Variants in SART3 observed in about 807,000 individuals in gnomAD.
SART3 encodes the protein spliceosome associated factor 3, U4/U6 recycling protein.
SART3 carries 44 observed loss-of-function variants against 122.3 expected under a neutral mutation model. That is an observed-to-expected ratio of 0.36 (90% CI 0.28 to 0.46). SART3 has a LOEUF of 0.46. Among genes scored for constraint, SART3 ranks in the 20% least tolerant of loss-of-function variants. The probability of loss-of-function intolerance (pLI) is 1.00; values close to 1 mark genes in which losing one functional copy is unlikely to be tolerated. For missense variants in SART3, 1,101 were observed against 1,229.0 expected (o/e 0.90, Z 1.56); for synonymous variants, 442 against 454.0 (o/e 0.97, Z 0.34).
intron 8 of SART3, 111 bp from the exon 9 acceptor site, chr12:108,537,706 G>C: frequency 1.2e-6 from 1 of 811,752 alleles, no homozygotes; most frequent in Non-Finnish European, 2.1e-6. Context: ...ACTAATAGAT[G>C]CAACAGAATG....
At chr12:108,555,333 AC>A (rs1291107093) in intron 1 of SART3, among the ~76,000 whole-genome samples, 3 of 152,192 alleles carry the variant, frequency 2.0e-5, no homozygotes, top group Non-Finnish European at 4.4e-5. Flanking sequence ...GATGTGTGAG[AC>A]CTCTATGGCA....
chr12:108,530,047 T>A, intron 15 of SART3, 95 bp downstream of exon 15: 5 of 1,393,114 alleles, frequency 3.6e-6, no homozygotes, highest in Non-Finnish European at 5.1e-6. Context: ...GGTATCAAGC[T>A]GGTAACGGTT....
chr12:108,546,128 T>C (rs1194867312), intron 3 of SART3, among the ~76,000 whole-genome samples: 1 of 152,190 alleles, frequency 6.6e-6, no homozygotes, highest in Non-Finnish European at 1.5e-5. Flanking sequence ...ATCTGGTTAG[T>C]AGCAATGCTT....
At position 108,549,141 on chromosome 12, in the gene SART3, G is replaced by T. The variant is rs545330165; in HGVS notation, c.386C>A (p.Thr129Asn). The change falls in exon 2 of 19, where the codon ACC becomes AAC. Residue 129 changes from threonine (T) to asparagine (N), a missense_variant. This residue lies in a region of SART3 where 885 missense variants were observed against 1,080.1 expected (regional missense o/e 0.82). Transcript: ENST00000546815. Reference protein sequence around the residue: ...IRLLRLEGELTKVRMARQKMS... With the variant: ...IRLLRLEGELNKVRMARQKMS... ...CTTCTGGCGGGCCATCCTCACCTTG[G>T]TAAGCTCCCCTTCCAGCCTGAGCAG... The T allele has an allele frequency of 6.2e-7, 1 of 1,614,152 alleles. No individual in the cohort carries two copies.
In SART3 at chr12:108,523,402, G is replaced by C; in HGVS notation, c.*55C>G. ...ATCCCCAGTGCACTGCTGGGTGGTG[G>C]GAGGTCCGCCGGGCCAGAGTGAAGT... is the stretch of plus-strand genomic sequence containing the variant. On this transcript the variant is annotated 3_prime_UTR_variant, in exon 19 of 19. Transcript: ENST00000546815. 2 of 1,582,332 alleles carry C rather than the reference G, an allele frequency of 1.3e-6. No homozygotes were observed. The highest frequency in any genetic ancestry group is 1.7e-6 in the Non-Finnish European group (2 of 1,152,878).
At chr12:108,525,988 C>T (rs1872355175) in intron 16 of SART3, 111 bp downstream of exon 16, 2 of 943,300 alleles carry the variant, frequency 2.1e-6, no homozygotes, top group Non-Finnish European at 3.3e-6. Flanking sequence ...AGTTTAGATC[C>T]AAACAGAGCG....
intron 3 of SART3, among the ~76,000 whole-genome samples, chr12:108,547,081 A>G (rs1009911821): frequency 6.6e-6 from 1 of 152,204 alleles, no homozygotes; most frequent in African/African-American, 2.4e-5. Flanking sequence ...TGGTCTCCCA[A>G]AGTTCTGGGA....
rs778216341 is a variant in SART3, at chr12:108,547,997, A to C, written c.440-6T>G. ...CAGCCACTCCAGCCAGAGCTCTACG[A>C]GACAAAAATACTTCCCGCATTAATA... is the stretch of plus-strand genomic sequence containing the variant. On this transcript the variant is annotated splice_polypyrimidine_tract_variant and splice_region_variant and intron_variant, in intron 2 of 18. Coordinates refer to ENST00000546815, the MANE Select transcript of SART3 (RefSeq NM_014706.4). 8 of 1,611,280 alleles carry C rather than the reference A, an allele frequency of 5.0e-6. No individual in the cohort carries two copies. Among genetic ancestry groups the C allele is most frequent in the Non-Finnish European group, 6.8e-6 (8 of 1,179,260 alleles).
At chr12:108,538,863 T>A in intron 7 of SART3, 71 bp downstream of exon 7, 1 of 1,589,616 alleles carries the variant, frequency 6.3e-7, no homozygotes, top group Non-Finnish European at 8.6e-7. Context: ...AACAAACTCC[T>A]GGCACTCTTA....
intron 14 of SART3, among the ~76,000 whole-genome samples, chr12:108,530,923 G>A (rs893266597): frequency 1.3e-5 from 2 of 151,638 alleles, no homozygotes; most frequent in Non-Finnish European, 2.9e-5. Context: ...CCACTCACTA[G>A]GCTAAGTGAG....
At chr12:108,523,837 A>G in intron 18 of SART3, 1 of 629,760 alleles carries the variant, frequency 1.6e-6, no homozygotes, top group South Asian at 2.0e-5. Context: ...AGTTTTGGCA[A>G]AGATCAACCC....
intron 4 of SART3, 107 bp downstream of exon 4, chr12:108,545,032 C>A: frequency 1.7e-6 from 2 of 1,157,792 alleles, no homozygotes; most frequent in South Asian, 2.5e-5. Context: ...ATTTTGTTAA[C>A]TATATGAACT....
intron 1 of SART3, among the ~76,000 whole-genome samples, chr12:108,549,957 G>T (rs542950243): frequency 1.4e-5 from 2 of 146,038 alleles, no homozygotes; most frequent in Non-Finnish European, 3.0e-5. Flanking sequence ...AGGTTGCAGC[G>T]AGCCGAGACC....
At chr12:108,539,177 T>A in intron 6 of SART3, 88 bp from the exon 7 acceptor site, 1 of 1,378,744 alleles carries the variant, frequency 7.3e-7, no homozygotes, top group Non-Finnish European at 1.0e-6. Flanking sequence ...CAAAACTGGC[T>A]ACAGTAACTA....
chr12:108,532,116 G>A, intron 13 of SART3, 106 bp downstream of exon 13: 1 of 897,840 alleles, frequency 1.1e-6, no homozygotes, highest in Non-Finnish European at 1.8e-6. Context: ...CACCTAAGGT[G>A]GCAGCATAAA....
chr12:108,531,300 A>C lies in SART3; in HGVS notation c.1670-20T>G. Reference sequence around the variant, plus strand: ...AAGAACCTTGAAAGAAAGAGAAGCAAAACTTTCACTCTTTAGGATTTTGAA... The same window carrying C: ...AAGAACCTTGAAAGAAAGAGAAGCACAACTTTCACTCTTTAGGATTTTGAA... On this transcript the variant is annotated intron_variant, in intron 13 of 18. Coordinates refer to ENST00000546815, the MANE Select transcript of SART3 (RefSeq NM_014706.4). The C allele has an allele frequency of 1.3e-6, 2 of 1,592,362 alleles. No individual in the cohort carries two copies. Among genetic ancestry groups the C allele is most frequent in the Non-Finnish European group, 1.7e-6 (2 of 1,160,452 alleles).
chr12:108,545,271 C>G lies in SART3; in HGVS notation c.597G>C (p.Gln199His). Residue 199 changes from glutamine (Q) to histidine (H), a missense_variant, in exon 4 of 19, where the codon CAG becomes CAC. Physicochemically the swap from Gln to His is conservative, Grantham distance 24. Transcript: ENST00000546815. The stretch of plus-strand genomic sequence containing the variant: ...AGCGAACTTTCTCAAGGCCACCTTT[C>G]TGACCAATCCCACCAACTGAGTACT... ...YGQYSVGGIG[Q>H]KGGLEKVRSV... 1 of 1,614,208 alleles carries G rather than the reference C, an allele frequency of 6.2e-7. No homozygotes were observed. The highest frequency in any genetic ancestry group is 8.5e-7 in the Non-Finnish European group (1 of 1,180,038).
Position 108,523,369 on chromosome 12 carries a change from G to C in SART3, c.*88C>G, listed in dbSNP as rs1251941802. ...TGGTTGCGAGCACGCAGCACACCAG[G>C]CCTGTCCATCCCCAGTGCACTGCTG... On this transcript the variant is annotated 3_prime_UTR_variant, in exon 19 of 19. Transcript: ENST00000546815. 8 of 1,384,758 alleles carry C rather than the reference G, an allele frequency of 5.8e-6. No individual in the cohort carries two copies. In the South Asian group the frequency reaches 9.3e-5, roughly 16 times the overall value. 85.8% of individuals were successfully genotyped at this position (1,384,758 alleles called of 1,614,324 possible).
intron 15 of SART3, among the ~76,000 whole-genome samples, chr12:108,526,806 T>A (rs1220606295): frequency 6.6e-6 from 1 of 152,176 alleles, no homozygotes. Context: ...ATCCCCATTG[T>A]CCACTCTTAA....
Sources: allele counts gnomAD v4.1 joint callset (sites outside exome capture counted in the v4.1 genomes callset), GRCh38; gene constraint gnomAD v4.1.1; regional missense constraint gnomAD v4.1.1; transcripts MANE v1.5; gene names NCBI Gene and HGNC (gene_info 2026-07-23, HGNC 2026-07-21).